The following SLC16A2 variants were observed in gnomAD, a reference collection of about 807,000 sequenced individuals.
SLC16A2 encodes solute carrier family 16 member 2.
A neutral mutation model predicts 27.2 loss-of-function variants in SLC16A2; 3 were observed. The ratio of observed to expected loss-of-function variants is 0.11; its 90% confidence interval spans 0.05 to 0.28. SLC16A2 has a LOEUF of 0.28. Ranked by LOEUF, SLC16A2 falls within the 10% of genes least tolerant of loss-of-function variation. The pLI, the probability that SLC16A2 is intolerant of heterozygous loss-of-function variation, is 1.00. For synonymous variants in SLC16A2, 202 were observed against 187.8 expected, an observed-to-expected ratio of 1.08 and a Z score of -0.62; for missense variants, 295 against 458.5, an observed-to-expected ratio of 0.64 and a Z score of 3.26.
intron 1 of SLC16A2, among the ~76,000 whole-genome samples, chrX:74,519,719 AAAAAAAAAAAAC>A (rs1930375186): frequency 1.5e-5 from 1 of 68,395 alleles, no homozygotes; most frequent in African/African-American, 3.8e-5. Flanking sequence ...GTGTCTCAAA[AAAAAAAAAAAAC>A]AAAAAAAAAA....
chrX:74,456,337 T>C (rs1365623132), intron 1 of SLC16A2, among the ~76,000 whole-genome samples: 1 of 111,493 alleles, frequency 9.0e-6, no homozygotes, highest in East Asian at 2.8e-4. Context: ...AATTGAAATA[T>C]GAGTTTCCAT....
chrX:74,435,985 C>G lies in SLC16A2; in HGVS notation c.430+13918C>G, dbSNP rs1410522999. Among the ~76,000 whole-genome samples, 3 of 111,186 alleles carry G rather than the reference C, an allele frequency of 2.7e-5. No individual in the cohort carries two copies. The East Asian group carries it at 8.5e-4, about 32-fold the overall frequency. ...ACTTAGAACCAATGGTATCTGTAAA[C>G]CAAGGAGGCTTTGGGAACTTCCTGA... On this transcript the variant is annotated intron_variant, in intron 1 of 5. Coordinates refer to ENST00000587091, the MANE Select transcript of SLC16A2 (RefSeq NM_006517.5).
intron 2 of SLC16A2, among the ~76,000 whole-genome samples, chrX:74,523,329 GTTCTTTAGT>G (rs1930439088): frequency 8.9e-6 from 1 of 112,732 alleles, no homozygotes; most frequent in Non-Finnish European, 1.9e-5. Flanking sequence ...CTTAGGCCCA[GTTCTTTAGT>G]ATGAGGACTG....
At chrX:74,446,588 C>G (rs945551946) in intron 1 of SLC16A2, among the ~76,000 whole-genome samples, 6 of 110,864 alleles carry the variant, frequency 5.4e-5, no homozygotes, top group Non-Finnish European at 1.9e-5. Context: ...CCACTGCACT[C>G]TAGCCTGGGT....
At chrX:74,442,709 C>A (rs1928772990) in intron 1 of SLC16A2, among the ~76,000 whole-genome samples, 1 of 112,380 alleles carries the variant, frequency 8.9e-6, no homozygotes, top group Non-Finnish European at 1.9e-5. Context: ...GTAATCCCAG[C>A]ACTTTGGGAG....
chrX:74,437,866 A>G (rs1928655480), intron 1 of SLC16A2, among the ~76,000 whole-genome samples: 1 of 111,474 alleles, frequency 9.0e-6, no homozygotes, highest in South Asian at 3.8e-4. Context: ...TCACACACCT[A>G]TGGGCTCCAG....
chrX:74,477,062 C>T (rs944146222), intron 1 of SLC16A2: 1 of 111,980 alleles, frequency 8.9e-6, no homozygotes, highest in Non-Finnish European at 1.9e-5. Flanking sequence ...GGTACCAGCT[C>T]CTCCTTGTAC....
chrX:74,515,824 G>C (rs1361705129), intron 1 of SLC16A2, among the ~76,000 whole-genome samples: 1 of 111,741 alleles, frequency 8.9e-6, no homozygotes, highest in Non-Finnish European at 1.9e-5. Flanking sequence ...TATCCTTCAG[G>C]AATGAATGAG....
intron 1 of SLC16A2, among the ~76,000 whole-genome samples, chrX:74,483,088 G>A (rs1602125957): frequency 1.8e-5 from 2 of 110,589 alleles, no homozygotes; most frequent in African/African-American, 3.3e-5. Flanking sequence ...TCAACATCTG[G>A]CCTAGTTCAA....
chrX:74,501,349 C>T (rs1485917266), intron 1 of SLC16A2, among the ~76,000 whole-genome samples: 1 of 111,140 alleles, frequency 9.0e-6, no homozygotes. Flanking sequence ...TCTACTTGTG[C>T]CCCAATGGAC....
At chrX:74,507,743 G>C (rs1454418098) in intron 1 of SLC16A2, among the ~76,000 whole-genome samples, 1 of 112,089 alleles carries the variant, frequency 8.9e-6, no homozygotes, top group African/African-American at 3.2e-5. Context: ...CATGTCTTTT[G>C]CAGCAACATG....
intron 1 of SLC16A2, among the ~76,000 whole-genome samples, chrX:74,507,361 C>T (rs1052787820): frequency 6.3e-5 from 7 of 111,449 alleles, no homozygotes; most frequent in Non-Finnish European, 1.3e-4. Context: ...CGCATTTTTA[C>T]ATATGTAGAT....
intron 1 of SLC16A2, among the ~76,000 whole-genome samples, chrX:74,468,684 A>G (rs1455820414): frequency 3.6e-5 from 4 of 111,992 alleles, no homozygotes; most frequent in African/African-American, 1.3e-4. Context: ...AAAATATTTA[A>G]TTTAATTTTT....
In SLC16A2 at chrX:74,513,263, G is replaced by A. The variant is rs545337366; in HGVS notation, c.431-7727G>A. Among the ~76,000 whole-genome samples, 3 of 111,848 alleles carry A rather than the reference G, an allele frequency of 2.7e-5. No homozygotes were observed. The Admixed American group carries it at 2.8e-4, about 11-fold the overall frequency. ...CCTCTGATTTTTCCAAGTCTGTTTA[G>A]AAAGATAGGTCTGTACATTGCCTGT... On this transcript the variant is annotated intron_variant, in intron 1 of 5. Transcript: ENST00000587091.
intron 1 of SLC16A2, among the ~76,000 whole-genome samples, chrX:74,479,045 A>G (rs895051828): frequency 2.6e-4 from 29 of 111,887 alleles, no homozygotes; most frequent in African/African-American, 8.8e-4. Context: ...TGCTAGATTC[A>G]GGAAGTTCTC....
chrX:74,421,883 G>T lies in SLC16A2; in HGVS notation c.246G>T (p.Thr82=). The T allele has an allele frequency of 5.8e-6, 7 of 1,209,251 alleles. No homozygotes were observed. The highest frequency in any genetic ancestry group is 7.8e-6 in the Non-Finnish European group (7 of 894,132). Residue 82 remains threonine, a synonymous_variant, in exon 1 of 6, where the codon ACG becomes ACT. Coordinates refer to ENST00000587091, the MANE Select transcript of SLC16A2 (RefSeq NM_006517.5). ...ERVHEPEPTP[T]VETRGTARGF... ...TGCACGAACCCGAGCCCACGCCTAC[G>T]GTAGAGACCCGCGGCACCGCGCGCG... is the stretch of plus-strand genomic sequence containing the variant.
At chrX:74,441,629 G>C (rs1417420994) in intron 1 of SLC16A2, among the ~76,000 whole-genome samples, 2 of 111,443 alleles carry the variant, frequency 1.8e-5, no homozygotes, top group African/African-American at 6.5e-5. Flanking sequence ...GAAGGACCAT[G>C]TCCAACAGTG....
chrX:74,475,472 C>G (rs754025158), intron 1 of SLC16A2, among the ~76,000 whole-genome samples: 52 of 107,946 alleles, frequency 4.8e-4, no homozygotes, highest in African/African-American at 1.7e-3. Context: ...TGTGCAGAAG[C>G]TCTTTAGTTT....
chrX:74,524,213 C>G (rs1354538579), intron 2 of SLC16A2, 146 bp from the exon 3 acceptor site: 1 of 571,249 alleles, frequency 1.8e-6, no homozygotes, highest in African/African-American at 2.3e-5. Flanking sequence ...ATCAGAAGGC[C>G]CTCTTCTTTG....
Sources: gnomAD v4.1 joint callset for allele counts (sites outside exome capture counted in the v4.1 genomes callset) on GRCh38, gnomAD v4.1.1 for gene constraint, MANE v1.5 for transcripts, NCBI Gene and HGNC (gene_info 2026-07-23, HGNC 2026-07-21) for gene names.